Variants in USP8 observed in about 807,000 individuals in gnomAD.
USP8 encodes ubiquitin specific peptidase 8.
Under a neutral mutation model 130.0 loss-of-function variants are expected in USP8, and 27 were observed. That is an observed-to-expected ratio of 0.21 (90% CI 0.15 to 0.29). The LOEUF (loss-of-function observed/expected upper bound fraction) is 0.29, where lower values mean the gene tolerates loss of function less well. Ranked by LOEUF, USP8 falls within the 10% of genes least tolerant of loss-of-function variation. The pLI is 1.00. For synonymous variants in USP8, 392 were observed against 444.1 expected (o/e 0.88, Z 1.48); for missense variants, 1,029 against 1,312.2 (o/e 0.78, Z 3.33).
chr15:50,451,752 G>T (rs1023270923), intron 4 of USP8, among the ~76,000 whole-genome samples: 1 of 152,140 alleles, frequency 6.6e-6, no homozygotes, highest in African/African-American at 2.4e-5. Context: ...TCCTAATTCT[G>T]TAATAAGTCA....
intron 14 of USP8, among the ~76,000 whole-genome samples, chr15:50,492,118 T>A (rs576879687): frequency 6.6e-6 from 1 of 152,200 alleles, no homozygotes; most frequent in Admixed American, 6.5e-5. Flanking sequence ...CACCTCGGCC[T>A]CCCAAAGTGG....
At chr15:50,435,515 C>T (rs1245226709) in intron 1 of USP8, among the ~76,000 whole-genome samples, 1 of 152,166 alleles carries the variant, frequency 6.6e-6, no homozygotes, top group East Asian at 1.9e-4. Flanking sequence ...AACCACTCTC[C>T]TACAGATACT....
intron 12 of USP8, among the ~76,000 whole-genome samples, chr15:50,488,105 T>A (rs910182086): frequency 2.0e-5 from 3 of 152,168 alleles, no homozygotes; most frequent in African/African-American, 4.8e-5. Flanking sequence ...AGCACAGAAG[T>A]TTTTGTGGAA....
chr15:50,478,703 C>G (rs1323392801), intron 10 of USP8, among the ~76,000 whole-genome samples: 1 of 152,198 alleles, frequency 6.6e-6, no homozygotes, highest in Non-Finnish European at 1.5e-5. Context: ...TGTGTCCCAA[C>G]ATAACTTTAT....
At chr15:50,474,239 A>G (rs2051485578) in intron 8 of USP8, among the ~76,000 whole-genome samples, 2 of 152,118 alleles carry the variant, frequency 1.3e-5, no homozygotes, top group South Asian at 2.1e-4. Context: ...CCTGGGCTCA[A>G]ACAAACTCCT....
intron 1 of USP8, chr15:50,426,824 T>C (rs909941790): frequency 1.2e-4 from 19 of 152,210 alleles, no homozygotes; most frequent in African/African-American, 4.6e-4. Context: ...AAAGGAAAAA[T>C]GTCAAAGAAT....
At chr15:50,487,993 A>G (rs772837381) in intron 12 of USP8, among the ~76,000 whole-genome samples, 3 of 152,218 alleles carry the variant, frequency 2.0e-5, no homozygotes, top group Non-Finnish European at 4.4e-5. Context: ...AGCCTCGGCA[A>G]TGTAGTGAAA....
Position 50,494,371 on chromosome 15 carries a change from G to A in USP8, c.2658+91G>A, listed in dbSNP as rs2052291829. On this transcript the variant is annotated intron_variant, in intron 16 of 19. Coordinates refer to ENST00000307179, the MANE Select transcript of USP8 (RefSeq NM_005154.5). The stretch of plus-strand genomic sequence containing the variant: ...ATAGCAGTTTAAAATTCTAGTTGGT[G>A]ATAGTTCAGTGCTTGTTTATTCAAA... 6 of 1,087,388 alleles carry A rather than the reference G, an allele frequency of 5.5e-6. No individual in the cohort carries two copies. The East Asian group carries it at 1.5e-4, about 27-fold the overall frequency. The allele number at this position is 1,087,388 out of a possible 1,614,324, so 67.4% of individuals were successfully genotyped here. A position where few individuals can be genotyped will look rare whatever the true frequency, so the allele number is the denominator to read the frequency against.
intron 5 of USP8, among the ~76,000 whole-genome samples, chr15:50,461,053 C>T (rs999152821): frequency 2.6e-5 from 4 of 151,690 alleles, no homozygotes; most frequent in East Asian, 3.9e-4. Flanking sequence ...AGTGCAGTGG[C>T]GCGATCTCAG....
rs71424068 is a variant in USP8, at chr15:50,468,235, C to CTTT, written c.686+3060_686+3062dup. Among the ~76,000 whole-genome samples, 99 of 105,484 alleles carry CTTT rather than the reference C, an allele frequency of 9.4e-4. 1 individual carries two copies. The highest frequency in any genetic ancestry group is 1.8e-3 in the Admixed American group (17 of 9,212). The allele number at this position is 105,484 out of a possible 152,430, so 69.2% of individuals were successfully genotyped here. On this transcript the variant is annotated intron_variant, in intron 7 of 19. Coordinates refer to ENST00000307179, the MANE Select transcript of USP8 (RefSeq NM_005154.5). ...ACAGGTGTGAGCCACTGTACCTGGC[C>CTTT]TTTTTTTTTTTTTTTTTTGAGACAG...
rs779791776 is a variant in USP8 at position 50,496,099 on chromosome 15, TAGAG to T, written c.2895+19_2895+22del. 6 of 1,561,870 alleles carry T rather than the reference TAGAG, an allele frequency of 3.8e-6. No individual in the cohort carries two copies. The highest frequency in any genetic ancestry group is 5.2e-6 in the Non-Finnish European group (6 of 1,143,524). On this transcript the variant is annotated intron_variant, in intron 17 of 19. Coordinates refer to ENST00000307179, the MANE Select transcript of USP8 (RefSeq NM_005154.5). The stretch of plus-strand genomic sequence containing the variant: ...GTACATTACAGGTAAGTTTAAGAAG[TAGAG>T]AGAAAATGATTTATTGGATAAAAAT...
At chr15:50,484,558 C>A (rs1595972460) in intron 12 of USP8, among the ~76,000 whole-genome samples, 197 bp downstream of exon 12, 1 of 152,236 alleles carries the variant, frequency 6.6e-6, no homozygotes, top group East Asian at 1.9e-4. Context: ...AGTTTGTCTT[C>A]CTGTTTAAAG....
In USP8 at chr15:50,459,061, C is replaced by T. The variant is rs202135045; in HGVS notation, c.397C>T (p.Arg133Trp). The change falls in exon 5 of 20, where the codon CGG (arginine) becomes TGG (tryptophan). Residue 133 changes from arginine to tryptophan, a missense_variant. By Grantham distance (101) the Arg-to-Trp change is moderately radical (BLOSUM62 -3). Coordinates refer to ENST00000307179, the MANE Select transcript of USP8 (RefSeq NM_005154.5). ...EEKDRQEEAQ[R>W]LQQKRQETGR... ...AAAAGACAGGCAGGAGGAAGCACAG[C>T]GGCTACAACAAAAAAGGCAGGAAAC... is the stretch of plus-strand genomic sequence containing the variant. 9.9e-5 allele frequency: 160 copies of T among 1,613,598 alleles called. No homozygotes were observed. Among genetic ancestry groups the T allele is most frequent in the Admixed American group, 3.0e-4 (18 of 59,936 alleles).
intron 4 of USP8, among the ~76,000 whole-genome samples, chr15:50,456,649 G>A (rs1289494268): frequency 1.3e-5 from 2 of 152,156 alleles, no homozygotes; most frequent in Non-Finnish European, 2.9e-5. Flanking sequence ...ACTTTGGGAG[G>A]CCGACGAGGG....
Position 50,514,391 on chromosome 15 carries a change from T to C in USP8, c.*15303T>C, listed in dbSNP as rs2052780735. The C allele has an allele frequency of 6.6e-6, 1 of 152,206 alleles. No individual in the cohort carries two copies. The highest frequency in any genetic ancestry group is 6.5e-5 in the Admixed American group (1 of 15,282). The allele number at this position is 152,206 out of a possible 1,614,324, so 9.4% of individuals were successfully genotyped here. A position where few individuals can be genotyped will look rare whatever the true frequency, so the allele number is the denominator to read the frequency against. On this transcript the variant is annotated 3_prime_UTR_variant, in exon 20 of 20. Coordinates refer to ENST00000307179, the MANE Select transcript of USP8 (RefSeq NM_005154.5). ...GTTTGTGTACTTTTCTGTATATATGTTTCACTTCAATAAAGTTTATTTTTG... is the reference window on the plus strand; with the variant it reads ...GTTTGTGTACTTTTCTGTATATATGCTTCACTTCAATAAAGTTTATTTTTG...
chr15:50,488,471 A>T (rs1357280226), intron 12 of USP8, among the ~76,000 whole-genome samples: 2 of 148,430 alleles, frequency 1.3e-5, no homozygotes, highest in Non-Finnish European at 3.0e-5. Context: ...TCAAGCCTTG[A>T]CCACTTGCCT....
In USP8 at chr15:50,424,505, C is replaced by A. The variant is rs1297141416; in HGVS notation, c.-75C>A. The stretch of plus-strand genomic sequence containing the variant: ...AAGGCTGGCGTTAGTGAAGCGCGCC[C>A]GGCGTCACGGTGAGTGCGGGTCTTG... On this transcript the variant is annotated 5_prime_UTR_variant, in exon 1 of 20. Transcript: ENST00000307179. 2.3e-5 allele frequency: 9 copies of A among 398,554 alleles called. No individual in the cohort carries two copies. The highest frequency in any genetic ancestry group is 3.5e-5 in the Non-Finnish European group (8 of 226,098). The allele number at this position is 398,554 out of a possible 1,614,324, so 24.7% of individuals were successfully genotyped here.
rs76586933 is a variant in USP8 at position 50,495,657 on chromosome 15, A to G, written c.2659-191A>G. On this transcript the variant is annotated intron_variant, in intron 16 of 19. Coordinates refer to ENST00000307179, the MANE Select transcript of USP8 (RefSeq NM_005154.5). ...AATTTCAACAAGTCACATTCCTTCA[A>G]TAAAGTGAGTGAGTTTTTTTTGGTA... Among the ~76,000 whole-genome samples, 1,132 of 152,236 alleles carry G rather than the reference A, an allele frequency of 7.4e-3. 22 individuals are homozygous for G. Among genetic ancestry groups the G allele is most frequent in the African/African-American group, 0.026 (1,091 of 41,536 alleles).
chr15:50,497,416 C>G (rs2052459376), intron 18 of USP8, 185 bp downstream of exon 18: 2 of 528,186 alleles, frequency 3.8e-6, no homozygotes, highest in Non-Finnish European at 5.9e-6. Context: ...TTTTCAGTAC[C>G]ACAGCAAAAT....
Sources: allele counts gnomAD v4.1 joint callset (sites outside exome capture counted in the v4.1 genomes callset), GRCh38; gene constraint gnomAD v4.1.1; transcripts MANE v1.5; gene names NCBI Gene and HGNC (gene_info 2026-07-23, HGNC 2026-07-21).